Variants in EFTUD2 observed in about 807,000 individuals in gnomAD.
EFTUD2 encodes the protein elongation factor Tu GTP binding domain containing 2, also known as 116 kDa U5 small nuclear ribonucleoprotein component.
Under a neutral mutation model 114.3 loss-of-function variants are expected in EFTUD2, and 9 were observed. The observed-to-expected ratio is 0.08, with a 90% CI of 0.05 to 0.14. The LOEUF (loss-of-function observed/expected upper bound fraction) is 0.14, where lower values mean the gene tolerates loss of function less well. EFTUD2 is among the 10% of genes least tolerant of loss of function. EFTUD2 has a pLI of 1.00. For synonymous variants in EFTUD2, 449 were observed against 462.3 expected (o/e 0.97, Z 0.37); for missense variants, 765 against 1,241.2 (o/e 0.62, Z 5.76).
In EFTUD2 at chr17:44,867,931, GGAAAA is replaced by G. The variant is rs1258660969; in HGVS notation, c.1059-39_1059-35del. 5 of 1,531,474 alleles carry G rather than the reference GGAAAA, an allele frequency of 3.3e-6. No individual in the cohort carries two copies. The African/African-American group carries it at 5.5e-5, about 17-fold the overall frequency. The allele number at this position is 1,531,474 out of a possible 1,614,324, so 94.9% of individuals were successfully genotyped here. On this transcript the variant is annotated intron_variant, in intron 12 of 27. Coordinates refer to ENST00000426333, the MANE Select transcript of EFTUD2 (RefSeq NM_004247.4). Reference sequence around the variant, plus strand: ...AAAAATAAGTTCTGAGTGACCCAGGGGAAAAGGCACTATCACTGATCCCAAGAGGC... The same window carrying G: ...AAAAATAAGTTCTGAGTGACCCAGGGGGCACTATCACTGATCCCAAGAGGC...
chr17:44,860,929 GC>G (rs2050646532), intron 16 of EFTUD2, among the ~76,000 whole-genome samples: 1 of 152,150 alleles, frequency 6.6e-6, no homozygotes, highest in South Asian at 2.1e-4. Flanking sequence ...AGTACTTGCT[GC>G]GTGCCAAGAG....
At position 44,851,694 on chromosome 17, in the gene EFTUD2, C is replaced by T. The variant is rs1367716068; in HGVS notation, c.2823+16G>A. The T allele has an allele frequency of 1.9e-6, 3 of 1,574,464 alleles. No homozygotes were observed. The highest frequency in any genetic ancestry group is 1.7e-6 in the Non-Finnish European group (2 of 1,164,094). ...TGGGGGGTTGAGGGATGGCAACAGG[C>T]CCAAGGGAGACATACCTTCCTACGG... On this transcript the variant is annotated intron_variant, in intron 27 of 27. Transcript: ENST00000426333.
intron 14 of EFTUD2, 133 bp from the exon 15 acceptor site, chr17:44,863,915 TATAG>T (rs1248838475): frequency 1.2e-4 from 150 of 1,226,830 alleles, no homozygotes; most frequent in Non-Finnish European, 1.6e-4. Flanking sequence ...GCTCTGGCAC[TATAG>T]ATAGTGATAG....
At chr17:44,879,191 T>G (rs138431922) in intron 9 of EFTUD2, among the ~76,000 whole-genome samples, 167 of 152,240 alleles carry the variant, frequency 1.1e-3, no homozygotes, top group African/African-American at 3.8e-3. Flanking sequence ...GCTCAAGTGA[T>G]TCTCCTGTTT....
At chr17:44,852,387 C>A in intron 26 of EFTUD2, 22 bp downstream of exon 26, 2 of 1,613,270 alleles carry the variant, frequency 1.2e-6, no homozygotes, top group Middle Eastern at 1.8e-4. Flanking sequence ...GCCAAGTCCG[C>A]CAGCCTGCAT....
intron 1 of EFTUD2, among the ~76,000 whole-genome samples, chr17:44,896,991 TG>T (rs2051398006): frequency 6.6e-6 from 1 of 151,780 alleles, no homozygotes; most frequent in South Asian, 2.1e-4. Context: ...CTGAGGTGGG[TG>T]GATCACGAGG....
At chr17:44,864,909 G>A in intron 14 of EFTUD2, 21 bp downstream of exon 14, 6 of 1,612,102 alleles carry the variant, frequency 3.7e-6, no homozygotes, top group Non-Finnish European at 5.1e-6. Context: ...CAGAGTTAAG[G>A]GGCCACGAGC....
chr17:44,861,360 G>A (rs2050655584), intron 16 of EFTUD2, among the ~76,000 whole-genome samples: 2 of 149,930 alleles, frequency 1.3e-5, no homozygotes, highest in African/African-American at 2.5e-5. Flanking sequence ...CAGGAGAATC[G>A]CTTGAACCCG....
rs201042839 is a variant in EFTUD2, at chr17:44,877,180, G to A, written c.703-1080C>T. On this transcript the variant is annotated intron_variant, in intron 9 of 27. Coordinates refer to ENST00000426333, the MANE Select transcript of EFTUD2 (RefSeq NM_004247.4). ...CATTGCACTCCAGCCTGGGCCAGAG[G>A]GCAAGATGCCATCTCTTTGAAGGAA... Among the ~76,000 whole-genome samples, 11 of 151,600 alleles carry A rather than the reference G, an allele frequency of 7.3e-5. No homozygotes were observed. The South Asian group carries it at 1.3e-3, about 17-fold the overall frequency.
intron 20 of EFTUD2, 24 bp from the exon 21 acceptor site, chr17:44,855,028 T>C: frequency 6.3e-7 from 1 of 1,595,494 alleles, no homozygotes; most frequent in East Asian, 2.2e-5. Flanking sequence ...AAATGGGTGG[T>C]AAGGACGGCT....
intron 20 of EFTUD2, among the ~76,000 whole-genome samples, chr17:44,855,292 G>A (rs550106668): frequency 3.5e-4 from 54 of 152,272 alleles, no homozygotes; most frequent in African/African-American, 1.2e-3. Flanking sequence ...GCCAGGCGCG[G>A]TGGCTCACCC....
intron 26 of EFTUD2, among the ~76,000 whole-genome samples, chr17:44,852,115 G>C (rs941537524): frequency 6.6e-6 from 1 of 151,914 alleles, no homozygotes; most frequent in African/African-American, 2.4e-5. Flanking sequence ...TGGGGTTTCT[G>C]CATGTTGGTC....
intron 9 of EFTUD2, among the ~76,000 whole-genome samples, chr17:44,877,777 G>A (rs1401246112): frequency 1.3e-5 from 2 of 151,812 alleles, no homozygotes; most frequent in Non-Finnish European, 2.9e-5. Context: ...CTGCACTCCA[G>A]CCTGGGCGGA....
intron 11 of EFTUD2, 139 bp downstream of exon 11, chr17:44,872,307 C>T: frequency 8.6e-7 from 1 of 1,156,464 alleles, no homozygotes; most frequent in Non-Finnish European, 1.2e-6. Flanking sequence ...CCACAAAGAC[C>T]CCCAAATGTG....
At chr17:44,883,048 G>C in intron 6 of EFTUD2, 45 bp downstream of exon 6, 1 of 1,593,690 alleles carries the variant, frequency 6.3e-7, no homozygotes. Flanking sequence ...ATCTCTATCT[G>C]TTCTGAATGG....
intron 20 of EFTUD2, among the ~76,000 whole-genome samples, chr17:44,855,706 T>A (rs2050538202): frequency 1.3e-5 from 2 of 151,828 alleles, no homozygotes; most frequent in South Asian, 2.1e-4. Flanking sequence ...ATCCCAACAC[T>A]TTGGGAGGCT....
At chr17:44,856,826 T>TA (rs1567730893) in intron 20 of EFTUD2, among the ~76,000 whole-genome samples, 1 of 152,126 alleles carries the variant, frequency 6.6e-6, no homozygotes, top group Non-Finnish European at 1.5e-5. Flanking sequence ...ATAGTCATTT[T>TA]ATAGAGACAA....
At chr17:44,868,245 A>G in intron 12 of EFTUD2, 42 bp downstream of exon 12, 1 of 1,557,222 alleles carries the variant, frequency 6.4e-7, no homozygotes, top group East Asian at 2.3e-5. Flanking sequence ...TACTGGGTAA[A>G]TGATCACCCC....
intron 2 of EFTUD2, among the ~76,000 whole-genome samples, chr17:44,893,828 G>T (rs1370507798): frequency 6.6e-6 from 1 of 151,912 alleles, no homozygotes; most frequent in Non-Finnish European, 1.5e-5. Context: ...CTCTTTGGGA[G>T]GCCAAGGCAG....
Sources: gnomAD v4.1 joint callset for allele counts (sites outside exome capture counted in the v4.1 genomes callset) on GRCh38, gnomAD v4.1.1 for gene constraint, MANE v1.5 for transcripts, NCBI Gene and HGNC (gene_info 2026-07-23, HGNC 2026-07-21) for gene names.